Variants in PDE8A observed in about 807,000 individuals in gnomAD.
The protein encoded by PDE8A is phosphodiesterase 8A.
PDE8A carries 59 observed loss-of-function variants against 105.0 expected under a neutral mutation model. The observed-to-expected ratio is 0.56, with a 90% CI of 0.46 to 0.70. PDE8A has a LOEUF of 0.70. Among genes scored for constraint, PDE8A ranks in the 30% least tolerant of loss-of-function variants. PDE8A has a pLI of 0.00. For synonymous variants in PDE8A, 355 were observed against 371.9 expected, an observed-to-expected ratio of 0.95 and a Z score of 0.52; for missense variants, 1,014 against 1,045.9, an observed-to-expected ratio of 0.97 and a Z score of 0.42.
intron 6 of PDE8A, among the ~76,000 whole-genome samples, chr15:85,087,042 CTTT>C (rs34212320): frequency 8.6e-4 from 115 of 133,410 alleles, no homozygotes; most frequent in Middle Eastern, 3.8e-3. Flanking sequence ...ATGTTTTTTG[CTTT>C]TTTTTTTTTT....
intron 1 of PDE8A, among the ~76,000 whole-genome samples, chr15:84,990,395 C>T (rs1041162208): frequency 6.6e-6 from 1 of 152,080 alleles, no homozygotes; most frequent in Admixed American, 6.5e-5. Context: ...TCCATTCTTA[C>T]CCCCAGCCAC....
intron 19 of PDE8A, 62 bp downstream of exon 19, chr15:85,123,255 A>G: frequency 1.3e-6 from 2 of 1,523,466 alleles, no homozygotes; most frequent in Non-Finnish European, 1.8e-6. Context: ...TGTGTTATGG[A>G]GACACATGGG....
chr15:85,096,693 G>A lies in PDE8A; in HGVS notation c.853-1255G>A, dbSNP rs948462440. The stretch of plus-strand genomic sequence containing the variant: ...TTGGTGGCTTTGGACTACAAGCCTC[G>A]TCCTGTGGGCTGAGCTCCCCCTCAG... On this transcript the variant is annotated intron_variant, in intron 8 of 21. Transcript: ENST00000394553. 9.2e-5 allele frequency among the ~76,000 whole-genome samples: 14 copies of A among 152,218 alleles called. 1 individual carries two copies. Among genetic ancestry groups the A allele is most frequent in the African/African-American group, 2.4e-4 (10 of 41,528 alleles).
At chr15:85,079,179 A>G (rs2081426918) in intron 5 of PDE8A, among the ~76,000 whole-genome samples, 1 of 152,228 alleles carries the variant, frequency 6.6e-6, no homozygotes, top group South Asian at 2.1e-4. Context: ...AGACTAGAAT[A>G]TATAATATTC....
In PDE8A at chr15:85,100,211, G is replaced by A. The variant is rs367628943; in HGVS notation, c.1036+13G>A. 2.7e-5 allele frequency: 43 copies of A among 1,603,666 alleles called. No homozygotes were observed. The highest frequency in any genetic ancestry group is 1.1e-4 in the East Asian group (5 of 44,806). On this transcript the variant is annotated intron_variant, in intron 11 of 21. Coordinates refer to ENST00000394553, the MANE Select transcript of PDE8A (RefSeq NM_002605.3). ...GACACTCATACAGGTACGGTGCCCC[G>A]TATTTATTCTTAGAGTTCATTGAGT...
intron 2 of PDE8A, 37 bp from the exon 3 acceptor site, chr15:85,066,977 T>G: frequency 6.8e-7 from 1 of 1,465,908 alleles, no homozygotes; most frequent in Non-Finnish European, 9.4e-7. Context: ...TTCTAACATC[T>G]TTTTTTAAAA....
chr15:85,040,775 G>A (rs2141394740), intron 1 of PDE8A, among the ~76,000 whole-genome samples: 1 of 151,894 alleles, frequency 6.6e-6, no homozygotes, highest in East Asian at 2.0e-4. Flanking sequence ...TAGCCAGGAT[G>A]GTCTCGATCT....
intron 2 of PDE8A, among the ~76,000 whole-genome samples, chr15:85,066,632 A>ACACG (rs1460648941): frequency 1.6e-5 from 2 of 126,064 alleles, no homozygotes; most frequent in African/African-American, 7.1e-5. Context: ...ACACACACAC[A>ACACG]CACACACACA....
chr15:85,068,340 C>T lies in PDE8A; in HGVS notation c.434+1136C>T, dbSNP rs1043751968. Among the ~76,000 whole-genome samples the T allele has an allele frequency of 3.3e-5, 5 of 152,090 alleles. No individual in the cohort carries two copies. In the East Asian group the frequency reaches 9.6e-4, roughly 29 times the overall value. On this transcript the variant is annotated intron_variant, in intron 3 of 21. Transcript: ENST00000394553. Reference sequence around the variant, plus strand: ...CAGGTGTGAGCCACCGCACTGTGCCCGCCCTACCCCAGATTTCTTGACATG... The same window carrying T: ...CAGGTGTGAGCCACCGCACTGTGCCTGCCCTACCCCAGATTTCTTGACATG...
intron 4 of PDE8A, among the ~76,000 whole-genome samples, chr15:85,076,235 A>T (rs1038868623): frequency 2.0e-5 from 3 of 152,160 alleles, no homozygotes; most frequent in Non-Finnish European, 4.4e-5. Context: ...AATATCTCTG[A>T]GGGGGGAATC....
chr15:85,040,235 G>A (rs2080779284), intron 1 of PDE8A, among the ~76,000 whole-genome samples: 1 of 152,000 alleles, frequency 6.6e-6, no homozygotes, highest in Non-Finnish European at 1.5e-5. Context: ...TTGAGCCCAG[G>A]AGTTCCAGGC....
At chr15:85,057,200 T>A (rs901435080) in intron 1 of PDE8A, among the ~76,000 whole-genome samples, 3 of 152,146 alleles carry the variant, frequency 2.0e-5, no homozygotes, top group Non-Finnish European at 4.4e-5. Flanking sequence ...CCCAGCCGTA[T>A]GAGGTGTCAG....
chr15:85,077,900 A>G (rs1414073049), intron 5 of PDE8A, among the ~76,000 whole-genome samples: 2 of 152,132 alleles, frequency 1.3e-5, no homozygotes, highest in East Asian at 3.9e-4. Context: ...CATGTAGCAC[A>G]GAAATACAAT....
chr15:84,994,451 T>C (rs1277177742), intron 1 of PDE8A, among the ~76,000 whole-genome samples: 1 of 152,226 alleles, frequency 6.6e-6, no homozygotes, highest in Non-Finnish European at 1.5e-5. Flanking sequence ...TTTCCAGCAT[T>C]CCAGAAGGCT....
intron 11 of PDE8A, among the ~76,000 whole-genome samples, chr15:85,101,735 G>A (rs1230876866): frequency 6.6e-6 from 1 of 152,206 alleles, no homozygotes; most frequent in Admixed American, 6.5e-5. Context: ...ATAAGGTGAT[G>A]ACAGTAGGAA....
At chr15:85,069,421 T>C (rs969041339) in intron 3 of PDE8A, among the ~76,000 whole-genome samples, 5 of 152,160 alleles carry the variant, frequency 3.3e-5, no homozygotes, top group Non-Finnish European at 7.4e-5. Context: ...CGCACAGGAT[T>C]GCTAGAACAG....
At chr15:85,073,828 C>T (rs906095599) in intron 3 of PDE8A, among the ~76,000 whole-genome samples, 4 of 152,132 alleles carry the variant, frequency 2.6e-5, no homozygotes, top group African/African-American at 7.2e-5. Context: ...TGCCAGTGAC[C>T]CCTCCAGGCC....
chr15:85,028,004 G>A (rs1453401793), intron 1 of PDE8A, among the ~76,000 whole-genome samples: 1 of 152,126 alleles, frequency 6.6e-6, no homozygotes, highest in Non-Finnish European at 1.5e-5. Context: ...GTATTTGAAC[G>A]CTTAACGTTG....
intron 1 of PDE8A, among the ~76,000 whole-genome samples, chr15:85,042,348 G>A (rs970389093): frequency 7.9e-5 from 12 of 152,058 alleles, no homozygotes; most frequent in Middle Eastern, 3.4e-3. Flanking sequence ...CTAATTTTTT[G>A]TAGAGACAGC....
Sources: allele counts gnomAD v4.1 joint callset (sites outside exome capture counted in the v4.1 genomes callset), GRCh38; gene constraint gnomAD v4.1.1; transcripts MANE v1.5; gene names NCBI Gene and HGNC (gene_info 2026-07-23, HGNC 2026-07-21).